Variants in DLGAP2 observed in about 807,000 individuals in gnomAD.
The protein encoded by DLGAP2 is DLG associated protein 2.
Under a neutral mutation model 100.3 loss-of-function variants are expected in DLGAP2, and 26 were observed. The ratio of observed to expected loss-of-function variants is 0.26; its 90% CI spans 0.19 to 0.36. DLGAP2 has a LOEUF of 0.36. Among genes scored for constraint, DLGAP2 ranks in the 10% least tolerant of loss-of-function variants. DLGAP2 has a pLI of 1.00. For synonymous variants in DLGAP2, 886 were observed against 630.1 expected (o/e 1.41, Z -6.08); for missense variants, 1,858 against 1,453.2 (o/e 1.28, Z -4.53).
intron 2 of DLGAP2, among the ~76,000 whole-genome samples, chr8:1,226,954 T>C (rs76637199): frequency 6.6e-6 from 1 of 151,600 alleles, no homozygotes; most frequent in African/African-American, 2.4e-5. Context: ...GTATCGACGT[T>C]CCTAAGGAAA....
intron 3 of DLGAP2, among the ~76,000 whole-genome samples, chr8:1,420,324 G>A (rs944638122): frequency 4.6e-5 from 7 of 152,146 alleles, no homozygotes; most frequent in Non-Finnish European, 1.0e-4. Flanking sequence ...GGTTTTAGGA[G>A]CTCTGAGCAA....
intron 8 of DLGAP2, among the ~76,000 whole-genome samples, chr8:1,652,224 G>T (rs117362926): frequency 0.027 from 4,120 of 152,292 alleles, 85 homozygotes; most frequent in Non-Finnish European, 0.044. Flanking sequence ...CTTACGTGAA[G>T]ATGCTAATGA....
chr8:1,606,145 G>T (rs1332140088), intron 6 of DLGAP2, among the ~76,000 whole-genome samples: 1 of 151,868 alleles, frequency 6.6e-6, no homozygotes, highest in East Asian at 1.9e-4. Context: ...GTACCAGTGG[G>T]TTTTTTTTGA....
At chr8:816,316 T>G (rs1386155368) in intron 1 of DLGAP2, among the ~76,000 whole-genome samples, 1 of 151,194 alleles carries the variant, frequency 6.6e-6, no homozygotes, top group Non-Finnish European at 1.5e-5. Flanking sequence ...ATGTAATAGG[T>G]CCTGTGAGAT....
At chr8:1,060,828 G>A (rs1056188048) in intron 2 of DLGAP2, among the ~76,000 whole-genome samples, 8 of 152,230 alleles carry the variant, frequency 5.3e-5, no homozygotes, top group Non-Finnish European at 1.2e-4. Context: ...GGAGGCAGGA[G>A]GCCACAGCCA....
chr8:1,351,695 C>G (rs1407779958), intron 3 of DLGAP2, among the ~76,000 whole-genome samples: 1 of 49,614 alleles, frequency 2.0e-5, no homozygotes, highest in African/African-American at 6.9e-5. Flanking sequence ...TGGGTCCTGA[C>G]TGTGCGTGGA....
At chr8:1,095,821 G>C (rs1490476517) in intron 2 of DLGAP2, among the ~76,000 whole-genome samples, 1 of 152,164 alleles carries the variant, frequency 6.6e-6, no homozygotes, top group Admixed American at 6.5e-5. Flanking sequence ...GCAATTGCAT[G>C]CATTAGGAAG....
chr8:1,555,753 A>G (rs1480152081), intron 5 of DLGAP2, among the ~76,000 whole-genome samples: 1 of 152,256 alleles, frequency 6.6e-6, no homozygotes, highest in Non-Finnish European at 1.5e-5. Flanking sequence ...TCTCAGTGAC[A>G]TCATCTTAGG....
intron 3 of DLGAP2, among the ~76,000 whole-genome samples, chr8:1,360,582 C>G (rs561155284): frequency 6.6e-6 from 1 of 152,128 alleles, no homozygotes; most frequent in African/African-American, 2.4e-5. Context: ...GCAGGTACCC[C>G]GAAAAGCACA....
At chr8:1,308,193 G>T (rs1800535763) in intron 3 of DLGAP2, among the ~76,000 whole-genome samples, 1 of 152,216 alleles carries the variant, frequency 6.6e-6, no homozygotes, top group South Asian at 2.1e-4. Flanking sequence ...CAGAACGCCT[G>T]CAGAGAATGG....
intron 2 of DLGAP2, among the ~76,000 whole-genome samples, chr8:1,007,231 C>T (rs1801143813): frequency 6.6e-6 from 1 of 152,188 alleles, no homozygotes; most frequent in African/African-American, 2.4e-5. Context: ...AGGATACGGT[C>T]AGTCCCACAC....
chr8:1,640,087 A>G (rs1418138092), intron 8 of DLGAP2, among the ~76,000 whole-genome samples: 1 of 152,212 alleles, frequency 6.6e-6, no homozygotes. Context: ...TGCATGAATG[A>G]ATGAGGTCTT....
chr8:1,241,592 G>C (rs952786102), intron 2 of DLGAP2, among the ~76,000 whole-genome samples: 1 of 152,188 alleles, frequency 6.6e-6, no homozygotes, highest in Non-Finnish European at 1.5e-5. Flanking sequence ...GAGCCAGTCA[G>C]CTTCTAGAGA....
chr8:965,263 C>G (rs868615290), intron 2 of DLGAP2, among the ~76,000 whole-genome samples: 37 of 118,734 alleles, frequency 3.1e-4, no homozygotes, highest in Non-Finnish European at 5.0e-4. Context: ...CTCCTGAGCC[C>G]AACCCCCGCG....
At chr8:1,283,945 G>C (rs796818673) in intron 3 of DLGAP2, among the ~76,000 whole-genome samples, 12 of 152,338 alleles carry the variant, frequency 7.9e-5, no homozygotes, top group African/African-American at 2.4e-4. Context: ...TCCATCTGTA[G>C]CTAAAGTAAC....
At chr8:1,284,464 G>C (rs950504226) in intron 3 of DLGAP2, among the ~76,000 whole-genome samples, 4 of 152,078 alleles carry the variant, frequency 2.6e-5, no homozygotes, top group African/African-American at 9.7e-5. Flanking sequence ...CAGCGCTAAC[G>C]TAAAGATGTG....
chr8:1,115,854 C>A (rs1183731144), intron 2 of DLGAP2, among the ~76,000 whole-genome samples: 1 of 152,180 alleles, frequency 6.6e-6, no homozygotes, highest in Non-Finnish European at 1.5e-5. Flanking sequence ...AGTCATTTAT[C>A]CCTGCCACAC....
chr8:1,501,692 G>A (rs1799729542), intron 4 of DLGAP2, among the ~76,000 whole-genome samples: 2 of 152,222 alleles, frequency 1.3e-5, no homozygotes, highest in Admixed American at 6.5e-5. Flanking sequence ...TGTCTCCAGA[G>A]GTGAAGGACC....
intron 3 of DLGAP2, among the ~76,000 whole-genome samples, chr8:1,286,086 C>G (rs974402593): frequency 6.6e-6 from 1 of 152,210 alleles, no homozygotes; most frequent in African/African-American, 2.4e-5. Flanking sequence ...CGCTGTGTGT[C>G]AAGGGCAGGA....
Sources: allele counts gnomAD v4.1 joint callset (sites outside exome capture counted in the v4.1 genomes callset), GRCh38; gene constraint gnomAD v4.1.1; transcripts MANE v1.5; gene names NCBI Gene and HGNC (gene_info 2026-07-23, HGNC 2026-07-21).